The following YWHAQ variants were observed in gnomAD, a reference collection of about 807,000 sequenced individuals.
The protein encoded by YWHAQ is tyrosine 3-monooxygenase/tryptophan 5-monooxygenase activation protein theta, also known as 14-3-3 protein theta.
Under a neutral mutation model 28.3 loss-of-function variants are expected in YWHAQ, and 6 were observed. That is an observed-to-expected ratio of 0.21 (90% confidence interval 0.12 to 0.42). The LOEUF (loss-of-function observed/expected upper bound fraction) is 0.42, where lower values mean the gene tolerates loss of function less well. Among genes scored for constraint, YWHAQ ranks in the 10% least tolerant of loss-of-function variants. The pLI is 1.00. For missense variants in YWHAQ, 201 were observed against 305.6 expected (o/e 0.66, Z 2.55); for synonymous variants, 143 against 119.1 (o/e 1.20, Z -1.31).
chr2:9,611,161 TA>T (rs1336403861), intron 2 of YWHAQ, among the ~76,000 whole-genome samples: 1 of 152,170 alleles, frequency 6.6e-6, no homozygotes, highest in African/African-American at 2.4e-5. Context: ...ATGTACAGTC[TA>T]AAAAAGTGTG....
chr2:9,594,712 G>C (rs1430068675), intron 2 of YWHAQ, among the ~76,000 whole-genome samples: 1 of 152,188 alleles, frequency 6.6e-6, no homozygotes, highest in Non-Finnish European at 1.5e-5. Context: ...CACAAAAAAA[G>C]CTACTCAGTA....
At chr2:9,616,097 A>C (rs1182496460) in intron 2 of YWHAQ, among the ~76,000 whole-genome samples, 1 of 152,202 alleles carries the variant, frequency 6.6e-6, no homozygotes, top group Middle Eastern at 3.2e-3. Context: ...ATGGAAACAA[A>C]ATACAGCGCT....
chr2:9,616,482 CT>C (rs1452722017), intron 2 of YWHAQ, among the ~76,000 whole-genome samples: 1 of 149,542 alleles, frequency 6.7e-6, no homozygotes, highest in African/African-American at 2.5e-5. Context: ...AACAATGTTT[CT>C]GCTTCAAAGG....
At chr2:9,603,476 T>C (rs1368077285) in intron 2 of YWHAQ, among the ~76,000 whole-genome samples, 2 of 151,284 alleles carry the variant, frequency 1.3e-5, no homozygotes, top group Non-Finnish European at 3.0e-5. Flanking sequence ...GGTTTCTCCA[T>C]GTTGGCCAGG....
At chr2:9,615,247 G>C (rs1438567086) in intron 2 of YWHAQ, 3 of 152,124 alleles carry the variant, frequency 2.0e-5, no homozygotes, top group Admixed American at 6.5e-5. Context: ...TATTATTACA[G>C]AGGGTAAAAA....
At chr2:9,605,383 C>T (rs191267442) in intron 2 of YWHAQ, among the ~76,000 whole-genome samples, 17 of 152,298 alleles carry the variant, frequency 1.1e-4, no homozygotes, top group African/African-American at 3.1e-4. Context: ...GATCCTCCCA[C>T]GTCAGCCTCT....
chr2:9,627,604 A>T (rs1667272556), intron 2 of YWHAQ, among the ~76,000 whole-genome samples: 1 of 152,218 alleles, frequency 6.6e-6, no homozygotes, highest in Non-Finnish European at 1.5e-5. Flanking sequence ...CCAAGTCATG[A>T]GGACTGCTTG....
intron 2 of YWHAQ, among the ~76,000 whole-genome samples, chr2:9,605,984 TA>T (rs2125068002): frequency 6.6e-6 from 1 of 152,334 alleles, no homozygotes; most frequent in Admixed American, 6.5e-5. Context: ...CGCTCTGAGA[TA>T]ATTCCATGTC....
chr2:9,617,744 G>A (rs1428612863), intron 2 of YWHAQ, among the ~76,000 whole-genome samples: 2 of 152,074 alleles, frequency 1.3e-5, no homozygotes, highest in African/African-American at 2.4e-5. Flanking sequence ...TGAGACCAGC[G>A]TGGACAACAA....
chr2:9,586,115 C>T (rs1415551491), intron 5 of YWHAQ, among the ~76,000 whole-genome samples: 4 of 152,046 alleles, frequency 2.6e-5, no homozygotes, highest in Non-Finnish European at 5.9e-5. Context: ...GTGTGAAGGG[C>T]TAAACTATAG....
intron 2 of YWHAQ, among the ~76,000 whole-genome samples, chr2:9,612,563 G>A (rs981653153): frequency 1.3e-5 from 2 of 152,196 alleles, no homozygotes; most frequent in Non-Finnish European, 2.9e-5. Flanking sequence ...TGTCCTGACT[G>A]ACATCAACCT....
At chr2:9,625,584 C>T (rs773943076) in intron 2 of YWHAQ, among the ~76,000 whole-genome samples, 67 of 152,296 alleles carry the variant, frequency 4.4e-4, no homozygotes, top group Admixed American at 3.2e-3. Context: ...AAAATCCTTG[C>T]TCTTAACACT....
At chr2:9,627,256 C>T (rs942318166) in intron 2 of YWHAQ, among the ~76,000 whole-genome samples, 3 of 152,314 alleles carry the variant, frequency 2.0e-5, no homozygotes, top group Middle Eastern at 6.8e-3. Context: ...AATATCTGCT[C>T]TTTTCTACCA....
intron 2 of YWHAQ, among the ~76,000 whole-genome samples, chr2:9,605,390 C>A (rs1018586541): frequency 6.6e-6 from 1 of 152,170 alleles, no homozygotes; most frequent in African/African-American, 2.4e-5. Flanking sequence ...CCACGTCAGC[C>A]TCTCAAAGTG....
intron 3 of YWHAQ, among the ~76,000 whole-genome samples, chr2:9,589,294 TTGAC>T (rs1376119899): frequency 3.3e-5 from 5 of 152,190 alleles, no homozygotes; most frequent in Non-Finnish European, 7.4e-5. Flanking sequence ...TAAAAATAAT[TTGAC>T]TGGAATAATT....
At chr2:9,624,603 G>C (rs577411080) in intron 2 of YWHAQ, among the ~76,000 whole-genome samples, 32 of 152,248 alleles carry the variant, frequency 2.1e-4, no homozygotes, top group South Asian at 8.3e-4. Flanking sequence ...CTACCCACTA[G>C]ACGTGAGCAG....
At position 9,584,569 on chromosome 2, in the gene YWHAQ, G is replaced by A. The variant is rs1438907451; in HGVS notation, c.*717C>T. 6.6e-6 allele frequency: 1 copy of A among 152,614 alleles called. No individual in the cohort carries two copies. Among genetic ancestry groups the A allele is most frequent in the African/African-American group, 2.4e-5 (1 of 41,446 alleles). The allele number at this position is 152,614 out of a possible 1,614,324, so 9.5% of individuals were successfully genotyped here. A position where few individuals can be genotyped will look rare whatever the true frequency, so the allele number is the denominator to read the frequency against. ...AATGCTTGTATTCTGGCAGCAACAT[G>A]CTACTTCTATCACATAGTAAAGTGA... On this transcript the variant is annotated 3_prime_UTR_variant, in exon 6 of 6. Coordinates refer to ENST00000238081, the MANE Select transcript of YWHAQ (RefSeq NM_006826.4).
intron 2 of YWHAQ, among the ~76,000 whole-genome samples, chr2:9,610,943 T>C (rs141080126): frequency 6.6e-6 from 1 of 152,298 alleles, no homozygotes. Flanking sequence ...TACTCTTTCT[T>C]TGGACTCATT....
chr2:9,604,047 C>T (rs908495589), intron 2 of YWHAQ, among the ~76,000 whole-genome samples: 1 of 152,184 alleles, frequency 6.6e-6, no homozygotes, highest in African/African-American at 2.4e-5. Context: ...CAATTCCTTA[C>T]ACAGGCCTGG....
Sources: allele counts gnomAD v4.1 joint callset (sites outside exome capture counted in the v4.1 genomes callset), GRCh38; gene constraint gnomAD v4.1.1; transcripts MANE v1.5; gene names NCBI Gene and HGNC (gene_info 2026-07-23, HGNC 2026-07-21).